GPR35: variants seen among roughly 807,000 people sequenced by gnomAD.
GPR35 encodes G protein-coupled receptor 35.
For missense variants in GPR35, 372 were observed against 422.5 expected, an observed-to-expected ratio of 0.88 and a Z score of 1.05; for synonymous variants, 207 against 198.4, an observed-to-expected ratio of 1.04 and a Z score of -0.36.
In GPR35 at chr2:240,617,391, G is replaced by C. The variant is rs949063072; in HGVS notation, c.-151G>C. On this transcript the variant is annotated splice_region_variant and 5_prime_UTR_variant, in exon 4 of 6. Transcript: ENST00000319838. ...CTGTGGTTTTAATCTTCTCATTTTA[G>C]AGGTAATTTTTTTGTGTAGCAATAG... 11 of 620,324 alleles carry C rather than the reference G, an allele frequency of 1.8e-5. No individual in the cohort carries two copies. In the Admixed American group the frequency reaches 2.0e-4, roughly 11 times the overall value. The allele number at this position is 620,324 out of a possible 1,614,324, so 38.4% of individuals were successfully genotyped here.
chr2:240,607,184 AATT>A (rs778224588), intron 2 of GPR35: 8 of 149,438 alleles, frequency 5.4e-5, no homozygotes, highest in African/African-American at 1.7e-4. Flanking sequence ...ATTTTTTAAA[AATT>A]TTTTTTTTTT....
chr2:240,625,056 C>T (rs564571859), upstream of GPR35, among the ~76,000 whole-genome samples: 3 of 152,188 alleles, frequency 2.0e-5, no homozygotes, highest in South Asian at 4.1e-4. Flanking sequence ...GATGAGTGTG[C>T]GTGCTGCACC....
chr2:240,613,416 C>A (rs1245743706), intron 2 of GPR35, among the ~76,000 whole-genome samples: 1 of 152,092 alleles, frequency 6.6e-6, no homozygotes, highest in South Asian at 2.1e-4. Context: ...AGTGAGGGAG[C>A]ACCAAGTAAA....
exon 3 of GPR35, chr2:240,616,476 G>A (rs373072755): frequency 7.4e-5 from 58 of 780,670 alleles, no homozygotes; most frequent in Admixed American, 2.4e-4. Context: ...ATCTCCTGTC[G>A]ACTGCGAGTC....
At chr2:240,608,000 TC>T (rs1446389236) in intron 2 of GPR35, among the ~76,000 whole-genome samples, 1 of 152,182 alleles carries the variant, frequency 6.6e-6, no homozygotes, top group African/African-American at 2.4e-5. Context: ...CAAGTGATCC[TC>T]CCACCTCAGC....
chr2:240,605,975 C>T (rs1380469760), intron 1 of GPR35, among the ~76,000 whole-genome samples: 3 of 152,242 alleles, frequency 2.0e-5, no homozygotes, highest in African/African-American at 4.8e-5. Context: ...TGGGAGTCTC[C>T]GGAGCTCTCG....
At chr2:240,617,466 G>A in intron 4 of GPR35, 1 of 531,116 alleles carries the variant, frequency 1.9e-6, no homozygotes, top group Middle Eastern at 5.1e-4. Flanking sequence ...CCTAATGCTA[G>A]TTTCATTCAT....
At position 240,630,925 on chromosome 2, in the gene GPR35, G is replaced by T; in HGVS notation, c.*43G>T. On this transcript the variant is annotated 3_prime_UTR_variant, in exon 2 of 2. Transcript: ENST00000407714. ...CTGTGGGCCAGGTCTCGGGGGCTCC[G>T]GGAGGTGCTGCCTGCCAGGGGAAGC... is the stretch of plus-strand genomic sequence containing the variant. The T allele has an allele frequency of 6.6e-7, 1 of 1,523,370 alleles. No homozygotes were observed. Among genetic ancestry groups the T allele is most frequent in the South Asian group, 1.2e-5 (1 of 86,048 alleles). The allele number at this position is 1,523,370 out of a possible 1,614,324, so 94.4% of individuals were successfully genotyped here.
chr2:240,620,855 A>T (rs565995592), upstream of GPR35, among the ~76,000 whole-genome samples: 1 of 152,258 alleles, frequency 6.6e-6, no homozygotes, highest in South Asian at 2.1e-4. Flanking sequence ...AGTTCTCTAT[A>T]CACTTTTATT....
In GPR35 at chr2:240,618,790, T is replaced by C. The variant is rs567320232; in HGVS notation, c.-148-98T>C. Reference sequence around the variant, plus strand: ...GCTCCATCTAAAAACACATCAATTGTCTATATGTACATAAACATGCTTTTT... The same window carrying C: ...GCTCCATCTAAAAACACATCAATTGCCTATATGTACATAAACATGCTTTTT... On this transcript the variant is annotated intron_variant, in intron 4 of 5. Coordinates refer to the GPR35 transcript ENST00000319838. The C allele has an allele frequency of 4.2e-4, 225 of 529,580 alleles. 3 individuals carry two copies. The highest frequency in any genetic ancestry group is 3.7e-3 in the South Asian group (140 of 37,560). 32.8% of individuals were successfully genotyped at this position (529,580 alleles called of 1,614,324 possible).
Position 240,632,923 on chromosome 2 carries a change from G to T in GPR35, c.*2041G>T, listed in dbSNP as rs13395858. On this transcript the variant is annotated 3_prime_UTR_variant, in exon 2 of 2. Coordinates refer to ENST00000407714, the MANE Select transcript of GPR35 (RefSeq NM_005301.5). ...TCCCCATGTGTCAAGGGAGAGACCA[G>T]GTGGAGGCAATTGGATCATGGGGGC... Among the ~76,000 whole-genome samples, 1 of 152,348 alleles carries T rather than the reference G, an allele frequency of 6.6e-6. No individual in the cohort carries two copies. Among genetic ancestry groups the T allele is most frequent in the East Asian group, 1.9e-4 (1 of 5,190 alleles).
chr2:240,608,371 A>G (rs2043156195), intron 2 of GPR35, among the ~76,000 whole-genome samples: 1 of 152,146 alleles, frequency 6.6e-6, no homozygotes. Flanking sequence ...TTGGTCTTTT[A>G]CCATTGCCCA....
upstream of GPR35, among the ~76,000 whole-genome samples, chr2:240,625,018 G>A (rs549162906): frequency 5.9e-5 from 9 of 152,096 alleles, no homozygotes; most frequent in Non-Finnish European, 1.0e-4. Context: ...ATTGGAAGGC[G>A]CCCACGGAGC....
chr2:240,628,731 G>T (rs2043405598), intron 1 of GPR35: 1 of 152,264 alleles, frequency 6.6e-6, no homozygotes, highest in South Asian at 2.1e-4. Flanking sequence ...CCTTCGCTGT[G>T]GGCTGAGTCC....
Position 240,630,492 on chromosome 2 carries a change from C to T in GPR35, c.540C>T (p.Phe180=). 6.2e-7 allele frequency: 1 copy of T among 1,612,958 alleles called. No homozygotes were observed. Among genetic ancestry groups the T allele is most frequent in the Non-Finnish European group, 8.5e-7 (1 of 1,179,974 alleles). The stretch of plus-strand genomic sequence containing the variant: ...CCATGGCGTTCCCGCTGCTGGGATT[C>T]TACCTGCCCCTGGCCGTGGTGGTCT... ...FNSMAFPLLG[F]YLPLAVVVFC... Residue 180 remains phenylalanine, a synonymous_variant, in exon 2 of 2, where the codon TTC becomes TTT. Coordinates refer to ENST00000407714, the MANE Select transcript of GPR35 (RefSeq NM_005301.5).
intron 1 of GPR35, among the ~76,000 whole-genome samples, chr2:240,627,106 C>T (rs1332850722): frequency 3.3e-5 from 5 of 152,212 alleles, no homozygotes; most frequent in Non-Finnish European, 7.3e-5. Context: ...GCAGCGGGAG[C>T]TCCCTGAGGC....
chr2:240,623,414 ATCGTGAGGGCGCAAACAGG>A (rs1559437664), upstream of GPR35, among the ~76,000 whole-genome samples: 454 of 28,174 alleles, frequency 0.016, 34 homozygotes, highest in Middle Eastern at 0.05. Context: ...GCGCAAACAG[ATCGTGAGGGCGCAAACAGG>A]TCGTGAGGGC....
In GPR35 at chr2:240,612,740, G is replaced by C. The variant is rs548988651; in HGVS notation, c.-576-3648G>C. Among the ~76,000 whole-genome samples, 300 of 152,384 alleles carry C rather than the reference G, an allele frequency of 2.0e-3. 1 individual carries two copies. Among genetic ancestry groups the C allele is most frequent in the Non-Finnish European group, 1.8e-3 (125 of 68,038 alleles). ...GGCTTGGCAGCCAGCGGGGCCTCGG[G>C]AGGAGGCAAACAGCTGATCAAATCC... is the stretch of plus-strand genomic sequence containing the variant. On this transcript the variant is annotated intron_variant, in intron 2 of 5. Transcript: ENST00000319838.
upstream of GPR35, among the ~76,000 whole-genome samples, chr2:240,623,775 C>T (rs1295918295): frequency 6.6e-6 from 1 of 152,110 alleles, no homozygotes; most frequent in African/African-American, 2.4e-5. Context: ...TTCCCAGAGA[C>T]AGTCAGAGTC....
Sources: gnomAD v4.1 joint callset for allele counts (sites outside exome capture counted in the v4.1 genomes callset) on GRCh38, gnomAD v4.1.1 for gene constraint, MANE v1.5 for transcripts, NCBI Gene and HGNC (gene_info 2026-07-23, HGNC 2026-07-21) for gene names.